Variants in SHISA9 observed in about 807,000 individuals in gnomAD.
SHISA9 encodes the protein protein shisa-9.
In SHISA9, 13 loss-of-function variants were observed where a neutral mutation model predicts 38.0. The ratio of observed to expected loss-of-function variants is 0.34; its 90% CI spans 0.22 to 0.54. The LOEUF is 0.54. SHISA9 is among the 20% of genes least tolerant of loss of function. The pLI is 0.91. For missense variants in SHISA9, 538 were observed against 575.8 expected, an observed-to-expected ratio of 0.93 and a Z score of 0.67; for synonymous variants, 275 against 242.0, an observed-to-expected ratio of 1.14 and a Z score of -1.27.
At chr16:13,116,933 G>A (rs751866640) in intron 2 of SHISA9, among the ~76,000 whole-genome samples, 4 of 152,250 alleles carry the variant, frequency 2.6e-5, no homozygotes, top group South Asian at 2.1e-4. Flanking sequence ...CCAGCAATAC[G>A]TCCCAGTGGT....
Position 12,902,619 on chromosome 16 carries a change from C to T in SHISA9, c.555C>T (p.His185=). 6.5e-7 allele frequency: 1 copy of T among 1,547,368 alleles called. No individual in the cohort carries two copies. The highest frequency in any genetic ancestry group is 8.7e-7 in the Non-Finnish European group (1 of 1,145,148). ...LEKAHRPQRE[H]MSRALADVMR... is the part of the protein sequence containing the mutation. ...AAGCGCACCGGCCCCAAAGGGAGCACATGTCCAGGTGGGCTGCCTCCCCTT... is the reference window on the plus strand; with the variant it reads ...AAGCGCACCGGCCCCAAAGGGAGCATATGTCCAGGTGGGCTGCCTCCCCTT... The change falls in exon 1 of 5, where the codon CAC becomes CAT. Residue 185 remains histidine (H), a synonymous_variant. Coordinates refer to ENST00000558583, the MANE Select transcript of SHISA9 (RefSeq NM_001145204.3).
At chr16:13,214,534 G>C (rs535795020) in intron 4 of SHISA9, among the ~76,000 whole-genome samples, 2 of 152,250 alleles carry the variant, frequency 1.3e-5, no homozygotes, top group Admixed American at 6.5e-5. Flanking sequence ...GCTCGAACTG[G>C]GGAAAATTAG....
At chr16:13,461,522 C>T in the SHISA9 span, among the ~76,000 whole-genome samples, 36 of 149,776 alleles carry the variant, frequency 2.4e-4, no homozygotes, top group African/African-American at 7.9e-4. Context: ...GAAGTTGTAG[C>T]GAGCCGAGAC....
chr16:13,272,035 T>G, the SHISA9 span, among the ~76,000 whole-genome samples: 1 of 150,532 alleles, frequency 6.6e-6, no homozygotes, highest in Non-Finnish European at 1.5e-5. Context: ...GCTGCGATTG[T>G]GCCACAGCCT....
chr16:13,048,133 A>G (rs1205915153), intron 2 of SHISA9, among the ~76,000 whole-genome samples: 1 of 152,252 alleles, frequency 6.6e-6, no homozygotes, highest in Non-Finnish European at 1.5e-5. Context: ...CTCAGCTTTC[A>G]GGTAGCATGA....
At chr16:13,283,899 C>T in the SHISA9 span, among the ~76,000 whole-genome samples, 1 of 152,078 alleles carries the variant, frequency 6.6e-6, no homozygotes, top group African/African-American at 2.4e-5. Flanking sequence ...CCATTTTCAA[C>T]CCTAACTTTT....
chr16:13,309,833 C>G, the SHISA9 span, among the ~76,000 whole-genome samples: 1 of 151,926 alleles, frequency 6.6e-6, no homozygotes, highest in African/African-American at 2.4e-5. Context: ...ACAAAAAACT[C>G]CAAACAAAAT....
the SHISA9 span, among the ~76,000 whole-genome samples, chr16:13,394,105 A>T: frequency 2.6e-5 from 4 of 152,330 alleles, no homozygotes; most frequent in East Asian, 7.7e-4. Context: ...TGAGGCTGTA[A>T]GAAGCATTAC....
At chr16:13,399,571 G>A in the SHISA9 span, among the ~76,000 whole-genome samples, 1 of 152,148 alleles carries the variant, frequency 6.6e-6, no homozygotes, top group African/African-American at 2.4e-5. Flanking sequence ...TAGCCATGCT[G>A]CCACATTGCT....
chr16:13,140,128 TC>T, intron 2 of SHISA9, among the ~76,000 whole-genome samples: 1 of 25,036 alleles, frequency 4.0e-5, no homozygotes, highest in South Asian at 3.0e-3. Flanking sequence ...TCCCTTCCCT[TC>T]CCTTCCCTTC....
the SHISA9 span, among the ~76,000 whole-genome samples, chr16:13,309,107 A>G: frequency 6.6e-6 from 1 of 152,164 alleles, no homozygotes; most frequent in African/African-American, 2.4e-5. Context: ...AAGAAACAGC[A>G]TAAAGGTCAA....
the SHISA9 span, among the ~76,000 whole-genome samples, chr16:13,547,160 A>G: frequency 2.0e-5 from 3 of 152,336 alleles, no homozygotes; most frequent in African/African-American, 7.2e-5. Context: ...ACAAATATTT[A>G]TTGAATATCT....
chr16:13,312,476 C>T, the SHISA9 span, among the ~76,000 whole-genome samples: 2 of 152,276 alleles, frequency 1.3e-5, no homozygotes, highest in African/African-American at 4.8e-5. Flanking sequence ...ATCAGTTTTA[C>T]AATATGCTAA....
the SHISA9 span, among the ~76,000 whole-genome samples, chr16:13,289,474 G>A: frequency 6.6e-6 from 1 of 151,990 alleles, no homozygotes; most frequent in African/African-American, 2.4e-5. Context: ...ACTTTCAGTT[G>A]TGGGACAAAA....
the SHISA9 span, among the ~76,000 whole-genome samples, chr16:13,453,786 T>C: frequency 0.077 from 11,721 of 152,296 alleles, 586 homozygotes; most frequent in South Asian, 0.19. Flanking sequence ...GGCTTAGGTC[T>C]GGTTGGTTGT....
At chr16:13,212,043 A>AC (rs1318224289) in intron 3 of SHISA9, among the ~76,000 whole-genome samples, 1 of 152,098 alleles carries the variant, frequency 6.6e-6, no homozygotes, top group African/African-American at 2.4e-5. Context: ...GTTCAGATCC[A>AC]CGGGGGGGAT....
chr16:13,228,438 G>A (rs773955582), intron 4 of SHISA9, among the ~76,000 whole-genome samples: 11 of 152,146 alleles, frequency 7.2e-5, no homozygotes, highest in East Asian at 1.9e-4. Flanking sequence ...TGAAGCTGCT[G>A]GGATGCTTAA....
the SHISA9 span, among the ~76,000 whole-genome samples, chr16:13,248,850 A>G: frequency 6.6e-6 from 1 of 152,192 alleles, no homozygotes; most frequent in South Asian, 2.1e-4. Flanking sequence ...TACGTAGAAG[A>G]AGGACCAAAA....
chr16:13,079,849 T>C (rs2073626958), intron 2 of SHISA9, among the ~76,000 whole-genome samples: 1 of 152,182 alleles, frequency 6.6e-6, no homozygotes, highest in Admixed American at 6.5e-5. Flanking sequence ...AAGTGTGAAA[T>C]GATTGTTTTT....
Sources: allele counts gnomAD v4.1 joint callset (sites outside exome capture counted in the v4.1 genomes callset), GRCh38; gene constraint gnomAD v4.1.1; transcripts MANE v1.5; gene names NCBI Gene and HGNC (gene_info 2026-07-23, HGNC 2026-07-21).